Variants in DSCAM observed in about 807,000 individuals in gnomAD.
DSCAM encodes the protein DS cell adhesion molecule.
Under a neutral mutation model 217.7 loss-of-function variants are expected in DSCAM, and 47 were observed. The observed-to-expected ratio is 0.22, with a 90% CI of 0.17 to 0.28. The LOEUF is 0.28. Ranked by LOEUF, DSCAM falls within the 10% of genes least tolerant of loss-of-function variation. The pLI is 1.00. For synonymous variants in DSCAM, 1,056 were observed against 1,015.3 expected (o/e 1.04, Z -0.76); for missense variants, 2,080 against 2,618.3 (o/e 0.79, Z 4.49).
intron 1 of DSCAM, among the ~76,000 whole-genome samples, chr21:40,834,386 G>A (rs1430643154): frequency 1.8e-4 from 27 of 148,764 alleles, no homozygotes; most frequent in African/African-American, 6.2e-4. Flanking sequence ...CAGCCTGGGC[G>A]ACAGAGTGAG....
chr21:40,113,666 T>C (rs2089929484), intron 20 of DSCAM, among the ~76,000 whole-genome samples: 1 of 152,170 alleles, frequency 6.6e-6, no homozygotes, highest in African/African-American at 2.4e-5. Context: ...GAAAACCCCA[T>C]CGTCTCAGCC....
rs189411280 is a variant in DSCAM at position 40,335,214 on chromosome 21, A to C, written c.1783+2887T>G. 2.3e-3 allele frequency among the ~76,000 whole-genome samples: 351 copies of C among 152,088 alleles called. 1 individual carries two copies. Among genetic ancestry groups the C allele is most frequent in the African/African-American group, 7.0e-3 (291 of 41,470 alleles). On this transcript the variant is annotated intron_variant, in intron 8 of 32. Coordinates refer to ENST00000400454, the MANE Select transcript of DSCAM (RefSeq NM_001389.5). ...ATTTGGCAAGCCCCAAATCCCAACAACTGCCATTTCTCTCCAGGCAATAAA... is the reference window on the plus strand; with the variant it reads ...ATTTGGCAAGCCCCAAATCCCAACACCTGCCATTTCTCTCCAGGCAATAAA...
chr21:40,172,905 T>A (rs530274877), intron 15 of DSCAM, among the ~76,000 whole-genome samples: 60 of 152,242 alleles, frequency 3.9e-4, no homozygotes, highest in Non-Finnish European at 7.1e-4. Flanking sequence ...AGGCATGCTC[T>A]GTGTTGGACA....
At chr21:40,184,830 C>T (rs2090875674) in intron 14 of DSCAM, among the ~76,000 whole-genome samples, 1 of 152,144 alleles carries the variant, frequency 6.6e-6, no homozygotes, top group East Asian at 1.9e-4. Context: ...CACTTAGATG[C>T]TGAGTAAGTA....
chr21:40,750,413 A>G (rs1295259067), intron 1 of DSCAM, among the ~76,000 whole-genome samples: 1 of 152,130 alleles, frequency 6.6e-6, no homozygotes, highest in Admixed American at 6.5e-5. Flanking sequence ...GCTTTTTCTA[A>G]GTCTCTGTTG....
intron 32 of DSCAM, among the ~76,000 whole-genome samples, chr21:40,028,960 G>T (rs1029257696): frequency 6.6e-6 from 1 of 152,170 alleles, no homozygotes; most frequent in South Asian, 2.1e-4. Flanking sequence ...TTATCTAGCT[G>T]TAATTTTAAT....
In DSCAM at chr21:40,339,195, C is replaced by G. The variant is rs772526844; in HGVS notation, c.1431G>C (p.Arg477=). The stretch of plus-strand genomic sequence containing the variant: ...CAGTGCAGCGGTAGACTCCCCCGTC[C>G]CGGACCTGGGAGCTGGAGATGTTCA... ...SYLNISSSQV[R]DGGVYRCTAN... The change falls in exon 7 of 33, where the codon CGG becomes CGC. Residue 477 remains arginine (R), a synonymous_variant. Transcript: ENST00000400454. 47 of 1,614,186 alleles carry G rather than the reference C, an allele frequency of 2.9e-5. No individual in the cohort carries two copies. The highest frequency in any genetic ancestry group is 3.7e-5 in the Non-Finnish European group (44 of 1,180,032).
intron 3 of DSCAM, among the ~76,000 whole-genome samples, chr21:40,506,261 T>A (rs565527519): frequency 1.4e-4 from 22 of 152,308 alleles, no homozygotes; most frequent in Admixed American, 2.6e-4. Flanking sequence ...CACCTGATTT[T>A]GAGATAAGCA....
At chr21:40,338,683 G>A (rs994973104) in intron 7 of DSCAM, among the ~76,000 whole-genome samples, 1 of 152,150 alleles carries the variant, frequency 6.6e-6, no homozygotes, top group Admixed American at 6.5e-5. Context: ...GGACAATCAC[G>A]CACTTTTGGT....
chr21:40,418,390 T>C (rs2075392049), intron 3 of DSCAM, among the ~76,000 whole-genome samples: 1 of 152,196 alleles, frequency 6.6e-6, no homozygotes, highest in Non-Finnish European at 1.5e-5. Context: ...AAGTTAAAGA[T>C]GTGGATGCTG....
At chr21:40,836,062 C>G (rs1487429498) in intron 1 of DSCAM, among the ~76,000 whole-genome samples, 2 of 152,160 alleles carry the variant, frequency 1.3e-5, no homozygotes, top group African/African-American at 4.8e-5. Flanking sequence ...TGCAGCATCC[C>G]AAGGCGGCAT....
At chr21:40,379,670 C>T (rs1223480286) in intron 3 of DSCAM, among the ~76,000 whole-genome samples, 1 of 152,164 alleles carries the variant, frequency 6.6e-6, no homozygotes, top group Non-Finnish European at 1.5e-5. Context: ...ATGGCAGTTG[C>T]CTCTCTGAAG....
intron 3 of DSCAM, among the ~76,000 whole-genome samples, chr21:40,390,140 T>C (rs1003973797): frequency 3.3e-5 from 5 of 152,206 alleles, no homozygotes; most frequent in African/African-American, 7.2e-5. Flanking sequence ...TAATCAAGCC[T>C]CCTTTGACTA....
At chr21:40,781,742 C>T (rs995521140) in intron 1 of DSCAM, among the ~76,000 whole-genome samples, 1 of 152,104 alleles carries the variant, frequency 6.6e-6, no homozygotes, top group African/African-American at 2.4e-5. Flanking sequence ...GCCATTATTG[C>T]TTCTCAACAG....
At chr21:40,196,529 G>A (rs1441370076) in intron 11 of DSCAM, among the ~76,000 whole-genome samples, 7 of 152,084 alleles carry the variant, frequency 4.6e-5, no homozygotes, top group East Asian at 1.9e-4. Context: ...AACTCAATCC[G>A]ATGATCCCCA....
At chr21:40,596,144 C>A (rs2077019979) in intron 3 of DSCAM, among the ~76,000 whole-genome samples, 1 of 152,186 alleles carries the variant, frequency 6.6e-6, no homozygotes, top group South Asian at 2.1e-4. Flanking sequence ...AAGAAGGACC[C>A]TAATATCGTC....
intron 20 of DSCAM, among the ~76,000 whole-genome samples, chr21:40,115,533 G>A (rs1187198649): frequency 1.3e-5 from 2 of 152,024 alleles, no homozygotes; most frequent in Non-Finnish European, 1.5e-5. Context: ...CCTGCACGTT[G>A]TGCACATGTA....
intron 8 of DSCAM, among the ~76,000 whole-genome samples, chr21:40,312,601 A>C (rs1043588421): frequency 3.9e-5 from 6 of 152,322 alleles, no homozygotes; most frequent in Middle Eastern, 6.8e-3. Context: ...TTTAATTTAA[A>C]AATTATTTTT....
intron 1 of DSCAM, among the ~76,000 whole-genome samples, chr21:40,767,650 G>T (rs919060502): frequency 6.6e-6 from 1 of 152,184 alleles, no homozygotes; most frequent in Non-Finnish European, 1.5e-5. Context: ...CCCAGGGTGG[G>T]AGCATCTCAT....
Sources: gnomAD v4.1 joint callset for allele counts (sites outside exome capture counted in the v4.1 genomes callset) on GRCh38, gnomAD v4.1.1 for gene constraint, MANE v1.5 for transcripts, NCBI Gene and HGNC (gene_info 2026-07-23, HGNC 2026-07-21) for gene names.